NBEA: variants seen among roughly 807,000 people sequenced by gnomAD.
The protein encoded by NBEA is lysosomal-trafficking regulator 2.
A neutral mutation model predicts 343.4 loss-of-function variants in NBEA; 44 were observed. The ratio of observed to expected loss-of-function variants is 0.13; its 90% CI spans 0.10 to 0.16. The LOEUF (loss-of-function observed/expected upper bound fraction) is 0.16, where lower values mean the gene tolerates loss of function less well. Among genes scored for constraint, NBEA ranks in the 10% least tolerant of loss-of-function variants. The probability of loss-of-function intolerance (pLI) is 1.00; values close to 1 mark genes in which losing one functional copy is unlikely to be tolerated. For missense variants in NBEA, 2,555 were observed against 3,631.3 expected, an observed-to-expected ratio of 0.70 and a Z score of 7.62; for synonymous variants, 1,175 against 1,238.7, an observed-to-expected ratio of 0.95 and a Z score of 1.08.
intron 34 of NBEA, among the ~76,000 whole-genome samples, chr13:35,281,360 T>C (rs1038215911): frequency 2.0e-5 from 3 of 152,150 alleles, no homozygotes; most frequent in African/African-American, 7.2e-5. Flanking sequence ...TGGATTACAT[T>C]TGAGAATTTA....
chr13:35,595,075 T>C (rs2081723841), intron 47 of NBEA, among the ~76,000 whole-genome samples: 1 of 151,850 alleles, frequency 6.6e-6, no homozygotes. Context: ...AGTTTTAGAT[T>C]TCACTTCCTA....
chr13:35,042,504 A>G (rs193213317), intron 2 of NBEA, among the ~76,000 whole-genome samples: 11 of 151,688 alleles, frequency 7.3e-5, no homozygotes, highest in African/African-American at 2.4e-5. Context: ...CTGCTACTCT[A>G]TGGAGTGCAG....
Position 35,155,784 on chromosome 13 carries a change from A to T in NBEA, c.2456A>T (p.Glu819Val). 6.2e-7 allele frequency: 1 copy of T among 1,608,050 alleles called. No homozygotes were observed. The highest frequency in any genetic ancestry group is 8.5e-7 in the Non-Finnish European group (1 of 1,174,672). ...TTCTTCATTTTTCAGATCTTGACAG[A>T]ACAAGTATGTACTCAGGTCGTACAC... ...TYNTLYEILT[E>V]QVCTQVVHKP... Residue 819 changes from glutamate (E) to valine (V), a missense_variant, in exon 19 of 59, where the codon GAA (glutamate) becomes GTA (valine). Transcript: ENST00000379939.
At chr13:35,234,267 T>C (rs572006492) in intron 34 of NBEA, among the ~76,000 whole-genome samples, 1 of 152,276 alleles carries the variant, frequency 6.6e-6, no homozygotes, top group East Asian at 1.9e-4. Context: ...TATAAAATGC[T>C]CTGAAGAATT....
chr13:35,118,218 T>C lies in NBEA; in HGVS notation c.2083-10T>C. 1 of 1,446,858 alleles carries C rather than the reference T, an allele frequency of 6.9e-7. No individual in the cohort carries two copies. Among genetic ancestry groups the C allele is most frequent in the South Asian group, 1.5e-5 (1 of 66,420 alleles). The allele number at this position is 1,446,858 out of a possible 1,614,324, so 89.6% of individuals were successfully genotyped here. ...AGATGTAAAGTAATAAAATATTTTTTAAAAATTAGGATCGAGGGGTCAAGG... is the reference window on the plus strand; with the variant it reads ...AGATGTAAAGTAATAAAATATTTTTCAAAAATTAGGATCGAGGGGTCAAGG... On this transcript the variant is annotated splice_polypyrimidine_tract_variant and intron_variant, in intron 14 of 58. Transcript: ENST00000379939.
At chr13:35,274,406 C>A (rs2034424855) in intron 34 of NBEA, among the ~76,000 whole-genome samples, 1 of 152,180 alleles carries the variant, frequency 6.6e-6, no homozygotes. Flanking sequence ...TAGCTAATAT[C>A]ATACTGAATG....
chr13:35,168,192 A>G (rs940860862), intron 24 of NBEA, among the ~76,000 whole-genome samples: 4 of 151,822 alleles, frequency 2.6e-5, no homozygotes, highest in East Asian at 1.9e-4. Flanking sequence ...ATGTTTTCCT[A>G]TACAATGTAC....
intron 38 of NBEA, among the ~76,000 whole-genome samples, chr13:35,417,679 G>A (rs2044006109): frequency 6.6e-6 from 1 of 152,108 alleles, no homozygotes; most frequent in African/African-American, 2.4e-5. Flanking sequence ...TTTGGAATAG[G>A]TGTGATGTGG....
At chr13:35,041,674 T>A (rs759800551) in intron 2 of NBEA, among the ~76,000 whole-genome samples, 4 of 151,920 alleles carry the variant, frequency 2.6e-5, no homozygotes, top group Admixed American at 2.0e-4. Context: ...ACTAATATAT[T>A]ATGGGCTAGA....
At chr13:35,318,484 G>A (rs1486707501) in intron 36 of NBEA, among the ~76,000 whole-genome samples, 1 of 152,166 alleles carries the variant, frequency 6.6e-6, no homozygotes, top group Non-Finnish European at 1.5e-5. Context: ...TTTTTGATGT[G>A]CTGTTGGATT....
chr13:35,157,941 T>C (rs911075778), intron 21 of NBEA, among the ~76,000 whole-genome samples: 2 of 152,146 alleles, frequency 1.3e-5, no homozygotes, highest in African/African-American at 2.4e-5. Context: ...TTAAGTCTTC[T>C]TGAACACGAG....
At chr13:35,190,626 A>G (rs895831869) in intron 30 of NBEA, among the ~76,000 whole-genome samples, 2 of 152,178 alleles carry the variant, frequency 1.3e-5, no homozygotes, top group South Asian at 2.1e-4. Context: ...AGTTCAGGAA[A>G]ATGAATAAAC....
At chr13:35,586,459 A>G (rs1473760655) in intron 46 of NBEA, among the ~76,000 whole-genome samples, 1 of 152,200 alleles carries the variant, frequency 6.6e-6, no homozygotes, top group Non-Finnish European at 1.5e-5. Flanking sequence ...TGAGAAAACA[A>G]ACCCAAATCT....
At chr13:35,165,053 G>A in intron 24 of NBEA, 1 of 533,526 alleles carries the variant, frequency 1.9e-6, no homozygotes, top group Non-Finnish European at 3.9e-6. Flanking sequence ...TACTTGCTCA[G>A]ATGGGAAAGA....
chr13:35,648,208 A>G (rs923914824), intron 51 of NBEA, among the ~76,000 whole-genome samples: 2 of 41,196 alleles, frequency 4.9e-5, no homozygotes, highest in African/African-American at 2.1e-4. Flanking sequence ...TTTTTTTTTT[A>G]CCTTCCTTCA....
chr13:34,946,543 A>G (rs1264331073), intron 1 of NBEA, among the ~76,000 whole-genome samples: 5 of 152,020 alleles, frequency 3.3e-5, no homozygotes, highest in African/African-American at 1.2e-4. Context: ...TAATTCTATG[A>G]TTATAATTAT....
intron 48 of NBEA, among the ~76,000 whole-genome samples, chr13:35,625,206 TG>T (rs775419391): frequency 5.1e-4 from 77 of 152,344 alleles, no homozygotes; most frequent in Non-Finnish European, 1.0e-3. Context: ...CATGATTTGA[TG>T]ATCTCAAAAT....
At chr13:35,440,548 G>A (rs1350245042) in intron 39 of NBEA, among the ~76,000 whole-genome samples, 1 of 152,176 alleles carries the variant, frequency 6.6e-6, no homozygotes, top group African/African-American at 2.4e-5. Flanking sequence ...ATGAGTGGGA[G>A]AGTGGCATTG....
At chr13:35,020,655 C>T (rs369538652) in intron 1 of NBEA, among the ~76,000 whole-genome samples, 34 of 152,240 alleles carry the variant, frequency 2.2e-4, no homozygotes, top group African/African-American at 8.2e-4. Context: ...GTAGCTTGGA[C>T]TACAGCTGCG....
Sources: gnomAD v4.1 joint callset for allele counts (sites outside exome capture counted in the v4.1 genomes callset) on GRCh38, gnomAD v4.1.1 for gene constraint, MANE v1.5 for transcripts, NCBI Gene and HGNC (gene_info 2026-07-23, HGNC 2026-07-21) for gene names.